Variants in NRG1 observed in about 807,000 individuals in gnomAD.
NRG1 encodes neuregulin 1, also known as pro-neuregulin-1, membrane-bound isoform.
Under a neutral mutation model 63.8 loss-of-function variants are expected in NRG1, and 18 were observed. The observed-to-expected ratio is 0.28, with a 90% confidence interval of 0.19 to 0.42. NRG1 has a LOEUF of 0.42. Ranked by LOEUF, NRG1 falls within the 10% of genes least tolerant of loss-of-function variation. The pLI is 1.00. For missense variants in NRG1, 762 were observed against 814.7 expected (o/e 0.94, Z 0.79); for synonymous variants, 302 against 301.3 (o/e 1.00, Z -0.02).
intron 1 of NRG1, among the ~76,000 whole-genome samples, chr8:31,716,737 G>A (rs4305860): frequency 6.6e-6 from 1 of 151,940 alleles, no homozygotes; most frequent in South Asian, 2.1e-4. Flanking sequence ...GTCTAAATAC[G>A]GTTCTAATTT....
intron 1 of NRG1, among the ~76,000 whole-genome samples, chr8:32,557,340 CTG>C (rs1344793534): frequency 6.6e-6 from 1 of 152,162 alleles, no homozygotes; most frequent in African/African-American, 2.4e-5. Flanking sequence ...CGTATCAAAT[CTG>C]TTTTTATATC....
chr8:31,917,698 TG>T (rs1482625645), intron 1 of NRG1, among the ~76,000 whole-genome samples: 1 of 151,612 alleles, frequency 6.6e-6, no homozygotes, highest in Non-Finnish European at 1.5e-5. Flanking sequence ...GACTCTTTTT[TG>T]GTTCCATATG....
intron 1 of NRG1, among the ~76,000 whole-genome samples, chr8:32,340,187 T>A (rs1803881845): frequency 6.6e-6 from 1 of 152,176 alleles, no homozygotes; most frequent in African/African-American, 2.4e-5. Context: ...TGTGCAACAT[T>A]TAAAACAATA....
At chr8:32,454,059 A>G (rs777692766) in intron 1 of NRG1, among the ~76,000 whole-genome samples, 5 of 152,244 alleles carry the variant, frequency 3.3e-5, no homozygotes, top group Non-Finnish European at 7.3e-5. Context: ...CTGCCTTGAA[A>G]AATATCTCAG....
At chr8:32,521,260 T>C (rs1830316984) in intron 1 of NRG1, among the ~76,000 whole-genome samples, 1 of 152,220 alleles carries the variant, frequency 6.6e-6, no homozygotes, top group African/African-American at 2.4e-5. Context: ...TATTTTTTTG[T>C]CTGTCTTTCC....
At chr8:32,049,903 A>C (rs932332730) in intron 1 of NRG1, among the ~76,000 whole-genome samples, 3 of 152,110 alleles carry the variant, frequency 2.0e-5, no homozygotes, top group African/African-American at 7.2e-5. Context: ...TATTTACATC[A>C]GGCAGAGGTG....
intron 1 of NRG1, among the ~76,000 whole-genome samples, chr8:32,509,767 CCT>C (rs1279037217): frequency 6.6e-6 from 1 of 152,132 alleles, no homozygotes; most frequent in Admixed American, 6.5e-5. Flanking sequence ...TTGGCTTGAA[CCT>C]CTCCACTTTC....
chr8:32,214,616 C>T (rs1183865876), intron 1 of NRG1, among the ~76,000 whole-genome samples: 1 of 151,712 alleles, frequency 6.6e-6, no homozygotes, highest in Non-Finnish European at 1.5e-5. Flanking sequence ...GCATTCCATC[C>T]TGGGCAACAA....
chr8:32,333,251 T>C (rs1425884863), intron 1 of NRG1, among the ~76,000 whole-genome samples: 1 of 152,216 alleles, frequency 6.6e-6, no homozygotes, highest in Non-Finnish European at 1.5e-5. Flanking sequence ...AAATGTACTC[T>C]TTTAGATGTT....
intron 1 of NRG1, among the ~76,000 whole-genome samples, chr8:31,754,927 C>T (rs1816819065): frequency 6.6e-6 from 1 of 152,048 alleles, no homozygotes; most frequent in African/African-American, 2.4e-5. Flanking sequence ...TTTGGTTTCC[C>T]TTATCTACCT....
intron 1 of NRG1, among the ~76,000 whole-genome samples, chr8:31,719,110 T>G (rs1812651846): frequency 6.6e-6 from 1 of 152,128 alleles, no homozygotes; most frequent in Admixed American, 6.5e-5. Flanking sequence ...TTTCCCCGGG[T>G]AATCTGGTAG....
At chr8:32,234,692 C>T (rs1026755138) in intron 1 of NRG1, among the ~76,000 whole-genome samples, 3 of 152,088 alleles carry the variant, frequency 2.0e-5, no homozygotes, top group Non-Finnish European at 2.9e-5. Context: ...AATTCTGGGC[C>T]TCCTCAAAAA....
At chr8:32,022,260 C>T (rs10104600) in intron 1 of NRG1, among the ~76,000 whole-genome samples, 3,922 of 152,160 alleles carry the variant, frequency 0.026, 186 homozygotes, top group African/African-American at 0.09. Context: ...TAAGTCAGAG[C>T]GTTCTCTGAA....
rs572447572 is a variant in NRG1 at position 32,030,200 on chromosome 8, C to T, written c.37+390769C>T. ...TTCATTCTCTAGATCTGTCATACTA[C>T]ATATGTGAAAGTTAACATTTGTAGT... On this transcript the variant is annotated intron_variant, in intron 1 of 10. Transcript: ENST00000519301. 2.6e-5 allele frequency among the ~76,000 whole-genome samples: 4 copies of T among 152,276 alleles called. No homozygotes were observed. In the East Asian group the frequency reaches 5.8e-4, roughly 22 times the overall value.
chr8:32,109,416 C>T (rs546567209), intron 1 of NRG1, among the ~76,000 whole-genome samples: 97 of 152,226 alleles, frequency 6.4e-4, no homozygotes, highest in Non-Finnish European at 1.3e-3. Context: ...ACCATCTGTC[C>T]AAAACTTTGG....
At chr8:32,012,933 T>A (rs1441022281) in intron 1 of NRG1, among the ~76,000 whole-genome samples, 1 of 152,096 alleles carries the variant, frequency 6.6e-6, no homozygotes, top group African/African-American at 2.4e-5. Flanking sequence ...AGCTGAAGCA[T>A]CCACCATGGA....
chr8:31,721,337 G>A (rs1248584372), intron 1 of NRG1, among the ~76,000 whole-genome samples: 1 of 152,146 alleles, frequency 6.6e-6, no homozygotes, highest in Admixed American at 6.5e-5. Flanking sequence ...ATTTGACACA[G>A]TAAAGTTGTA....
intron 1 of NRG1, among the ~76,000 whole-genome samples, chr8:32,096,584 G>A (rs150904072): frequency 2.6e-5 from 4 of 152,138 alleles, no homozygotes; most frequent in Non-Finnish European, 2.9e-5. Flanking sequence ...TCAAAATTGG[G>A]CATCTGTATT....
rs537472974 is a variant in NRG1 at position 31,991,725 on chromosome 8, T to A, written c.37+352294T>A. Among the ~76,000 whole-genome samples the A allele has an allele frequency of 2.0e-5, 3 of 152,100 alleles. No homozygotes were observed. The South Asian group carries it at 6.2e-4, about 32-fold the overall frequency. ...CCCTTGCCTGTGGATAGGTTGCCTATTTTTTAAATTAAGCTCACTCTTTAT... is the reference window on the plus strand; with the variant it reads ...CCCTTGCCTGTGGATAGGTTGCCTAATTTTTAAATTAAGCTCACTCTTTAT... On this transcript the variant is annotated intron_variant, in intron 1 of 10. Transcript: ENST00000519301.
Sources: allele counts gnomAD v4.1 joint callset (sites outside exome capture counted in the v4.1 genomes callset), GRCh38; gene constraint gnomAD v4.1.1; transcripts MANE v1.5; gene names NCBI Gene and HGNC (gene_info 2026-07-23, HGNC 2026-07-21).